RHOBTB1: variants seen among roughly 807,000 people sequenced by gnomAD.
RHOBTB1 encodes the protein Rho related BTB domain containing 1.
In RHOBTB1, 40 loss-of-function variants were observed where a neutral mutation model predicts 71.6. The observed-to-expected ratio is 0.56, with a 90% CI of 0.43 to 0.73. The LOEUF (loss-of-function observed/expected upper bound fraction) is 0.73, where lower values mean the gene tolerates loss of function less well. RHOBTB1 is among the 30% of genes least tolerant of loss of function. The probability of loss-of-function intolerance (pLI) is 0.00; values close to 1 mark genes in which losing one functional copy is unlikely to be tolerated. For missense variants in RHOBTB1, 797 were observed against 894.0 expected, an observed-to-expected ratio of 0.89 and a Z score of 1.38; for synonymous variants, 319 against 334.9, an observed-to-expected ratio of 0.95 and a Z score of 0.52.
intron 4 of RHOBTB1, 94 bp downstream of exon 4, chr10:60,910,793 T>C (rs1443958580): frequency 1.2e-5 from 10 of 848,336 alleles, no homozygotes; most frequent in Non-Finnish European, 1.8e-5. Flanking sequence ...TTCAAGGCCA[T>C]ATGATGTGGT....
intron 2 of RHOBTB1, among the ~76,000 whole-genome samples, chr10:60,967,966 T>C (rs2086027540): frequency 6.6e-6 from 1 of 152,112 alleles, no homozygotes; most frequent in Non-Finnish European, 1.5e-5. Flanking sequence ...AAAAGGGGTC[T>C]GGTCCTAGGA....
rs533656096 is a variant in RHOBTB1 at position 60,998,270 on chromosome 10, C to T, written c.-163+3129G>A. On this transcript the variant is annotated intron_variant, in intron 1 of 11. Transcript: ENST00000357917. ...AGGGACAATATATTAGCCATTCACACGTGTCTTTTATAAGAGATAATTACT... is the reference window on the plus strand; with the variant it reads ...AGGGACAATATATTAGCCATTCACATGTGTCTTTTATAAGAGATAATTACT... Among the ~76,000 whole-genome samples, 29 of 152,292 alleles carry T rather than the reference C, an allele frequency of 1.9e-4. No individual in the cohort carries two copies. The East Asian group carries it at 4.8e-3, about 25-fold the overall frequency.
chr10:60,921,910 C>A (rs2083586027), intron 2 of RHOBTB1, among the ~76,000 whole-genome samples: 1 of 152,154 alleles, frequency 6.6e-6, no homozygotes, highest in Non-Finnish European at 1.5e-5. Flanking sequence ...GCATCAGTAA[C>A]CATGGGAGCC....
intron 1 of RHOBTB1, among the ~76,000 whole-genome samples, chr10:60,996,636 C>T (rs1217297428): frequency 6.6e-6 from 1 of 152,222 alleles, no homozygotes; most frequent in South Asian, 2.1e-4. Context: ...CTCAGGAGGA[C>T]GTCCAGAGCT....
intron 5 of RHOBTB1, among the ~76,000 whole-genome samples, chr10:60,889,632 TAG>T (rs1244503207): frequency 6.6e-6 from 1 of 152,158 alleles, no homozygotes; most frequent in Non-Finnish European, 1.5e-5. Context: ...TGTGCCTAAA[TAG>T]AGAGTGTTTT....
intron 7 of RHOBTB1, among the ~76,000 whole-genome samples, chr10:60,885,441 C>A (rs899640724): frequency 1.3e-5 from 2 of 152,192 alleles, no homozygotes; most frequent in African/African-American, 4.8e-5. Context: ...TTCCGCTAGA[C>A]CTAAGTACCT....
chr10:60,974,996 T>C (rs1054923245), intron 2 of RHOBTB1, among the ~76,000 whole-genome samples: 3 of 152,090 alleles, frequency 2.0e-5, no homozygotes, highest in Non-Finnish European at 2.9e-5. Context: ...GGCTGAGAGC[T>C]GTATGATCTT....
upstream of RHOBTB1, chr10:60,944,390 C>A (rs1204851164): frequency 6.6e-6 from 1 of 152,414 alleles, no homozygotes; most frequent in African/African-American, 2.4e-5. Flanking sequence ...GAAACCGGGG[C>A]CTGGTGTGTC....
chr10:60,925,170 G>A (rs1449281056), intron 2 of RHOBTB1, among the ~76,000 whole-genome samples: 3 of 152,248 alleles, frequency 2.0e-5, no homozygotes, highest in East Asian at 1.9e-4. Flanking sequence ...ATGATTATAA[G>A]CTTCCTGAGG....
chr10:60,910,548 A>G (rs888627848), intron 4 of RHOBTB1, among the ~76,000 whole-genome samples: 4 of 152,222 alleles, frequency 2.6e-5, no homozygotes, highest in African/African-American at 9.7e-5. Flanking sequence ...AAAATAACTT[A>G]AAACATTCTA....
Position 60,888,404 on chromosome 10 carries a change from G to C in RHOBTB1, c.1264C>G (p.Gln422Glu), listed in dbSNP as rs779470409. The change falls in exon 6 of 11, where the codon CAA becomes GAA. Residue 422 changes from glutamine to glutamate, a missense_variant. By Grantham distance (29) the Gln-to-Glu change is conservative. Transcript: ENST00000337910. Reference protein sequence around the residue: ...RTLLQFLYTGQLDEKEKDLVG... With the variant: ...RTLLQFLYTGELDEKEKDLVG... The stretch of plus-strand genomic sequence containing the variant: ...AAATCCTTTTCCTTTTCATCCAGTT[G>C]TCCCGTATAAAGAAACTGGAGCAGG... 6.2e-7 allele frequency: 1 copy of C among 1,614,096 alleles called. No homozygotes were observed. The highest frequency in any genetic ancestry group is 1.1e-5 in the South Asian group (1 of 91,074).
intron 4 of RHOBTB1, among the ~76,000 whole-genome samples, chr10:60,893,814 T>A (rs2082037408): frequency 6.6e-6 from 1 of 152,188 alleles, no homozygotes; most frequent in Non-Finnish European, 1.5e-5. Flanking sequence ...AGAACTATTT[T>A]ACAAAACAGT....
At chr10:60,994,092 G>A (rs945871091) in intron 1 of RHOBTB1, among the ~76,000 whole-genome samples, 1 of 152,106 alleles carries the variant, frequency 6.6e-6, no homozygotes, top group Non-Finnish European at 1.5e-5. Context: ...ATTGCTATGT[G>A]TTAGGATAAC....
intron 9 of RHOBTB1, 122 bp downstream of exon 9, chr10:60,874,832 G>T: frequency 1.4e-6 from 1 of 717,574 alleles, no homozygotes; most frequent in East Asian, 2.6e-5. Flanking sequence ...AGTGTACACA[G>T]GGGGACTCTG....
intron 2 of RHOBTB1, among the ~76,000 whole-genome samples, chr10:60,950,648 A>C (rs73266066): frequency 0.02 from 3,022 of 152,338 alleles, 70 homozygotes; most frequent in African/African-American, 0.054. Context: ...CTTTCCAAAA[A>C]GTCCTTAAGG....
At chr10:60,926,938 T>C (rs573479252) in intron 2 of RHOBTB1, among the ~76,000 whole-genome samples, 1 of 152,318 alleles carries the variant, frequency 6.6e-6, no homozygotes, top group South Asian at 2.1e-4. Flanking sequence ...AGAAGTCAAA[T>C]TATCCTTGGT....
intron 8 of RHOBTB1, 111 bp from the exon 9 acceptor site, chr10:60,875,153 A>T (rs1322842707): frequency 1.4e-6 from 1 of 733,932 alleles, no homozygotes; most frequent in Admixed American, 2.0e-5. Context: ...TGTGGGACAC[A>T]GCTCTGGGCA....
intron 2 of RHOBTB1, among the ~76,000 whole-genome samples, chr10:60,921,219 A>G (rs1196745238): frequency 6.6e-6 from 1 of 152,126 alleles, no homozygotes; most frequent in Non-Finnish European, 1.5e-5. Flanking sequence ...AAGTGCTGGG[A>G]TTACCAGCAT....
chr10:60,880,202 TGA>T (rs71018931), intron 7 of RHOBTB1, among the ~76,000 whole-genome samples: 1,268 of 126,704 alleles, frequency 0.01, 7 homozygotes, highest in South Asian at 0.022. Context: ...TGTGTGTGTG[TGA>T]GAGAGAGAGA....
Sources: gnomAD v4.1 joint callset for allele counts (sites outside exome capture counted in the v4.1 genomes callset) on GRCh38, gnomAD v4.1.1 for gene constraint, MANE v1.5 for transcripts, NCBI Gene and HGNC (gene_info 2026-07-23, HGNC 2026-07-21) for gene names.